Variants in PARD3B observed in about 807,000 individuals in gnomAD.
The protein encoded by PARD3B is par-3 family cell polarity regulator beta.
A neutral mutation model predicts 130.2 loss-of-function variants in PARD3B; 103 were observed. The observed-to-expected ratio is 0.79, with a 90% CI of 0.67 to 0.93. PARD3B has a LOEUF of 0.93. Ranked by LOEUF, PARD3B falls within the 40% of genes least tolerant of loss-of-function variation. The probability of loss-of-function intolerance (pLI) is 0.00; values close to 1 mark genes in which losing one functional copy is unlikely to be tolerated. For synonymous variants in PARD3B, 583 were observed against 553.2 expected (o/e 1.05, Z -0.76); for missense variants, 1,609 against 1,499.2 (o/e 1.07, Z -1.21).
chr2:204,901,950 T>A (rs567857353), intron 2 of PARD3B, among the ~76,000 whole-genome samples: 1 of 152,116 alleles, frequency 6.6e-6, no homozygotes, highest in African/African-American at 2.4e-5. Context: ...CCTATTCTAC[T>A]GTGGTTGAGC....
chr2:204,860,524 A>G (rs2045140280), intron 2 of PARD3B, among the ~76,000 whole-genome samples: 1 of 152,228 alleles, frequency 6.6e-6, no homozygotes, highest in Non-Finnish European at 1.5e-5. Flanking sequence ...GAAAGAAAGA[A>G]GACGACAACT....
intron 2 of PARD3B, among the ~76,000 whole-genome samples, chr2:204,820,851 C>T (rs1310062444): frequency 6.6e-6 from 1 of 151,090 alleles, no homozygotes; most frequent in African/African-American, 2.4e-5. Flanking sequence ...AAAGCCACTG[C>T]TCATTTACCG....
At chr2:204,961,377 G>C (rs1690730857) in intron 2 of PARD3B, among the ~76,000 whole-genome samples, 1 of 152,084 alleles carries the variant, frequency 6.6e-6, no homozygotes, top group Non-Finnish European at 1.5e-5. Flanking sequence ...AGCAAGAGGG[G>C]AGAGAAAGAG....
At chr2:205,498,198 TAAAAAA>T (rs61076057) in intron 20 of PARD3B, among the ~76,000 whole-genome samples, 1 of 124,572 alleles carries the variant, frequency 8.0e-6, no homozygotes, top group Admixed American at 8.1e-5. Flanking sequence ...AGACTCTGAC[TAAAAAA>T]AAAAAAAAAA....
At chr2:205,396,356 T>G (rs1443955393) in intron 18 of PARD3B, among the ~76,000 whole-genome samples, 1 of 152,212 alleles carries the variant, frequency 6.6e-6, no homozygotes, top group African/African-American at 2.4e-5. Flanking sequence ...AACATAATAT[T>G]AACCTATATC....
chr2:204,995,386 T>A (rs1575507835), intron 3 of PARD3B, among the ~76,000 whole-genome samples: 1 of 147,112 alleles, frequency 6.8e-6, no homozygotes, highest in African/African-American at 2.5e-5. Context: ...AATTCTTTTC[T>A]TTAAGAATGT....
chr2:205,062,831 T>G (rs1215745837), intron 4 of PARD3B, among the ~76,000 whole-genome samples: 1 of 152,152 alleles, frequency 6.6e-6, no homozygotes, highest in African/African-American at 2.4e-5. Flanking sequence ...TGAAATTTAT[T>G]TATATCTTAT....
chr2:204,614,389 C>T (rs1266889639), intron 1 of PARD3B, among the ~76,000 whole-genome samples: 1 of 152,020 alleles, frequency 6.6e-6, no homozygotes, highest in East Asian at 1.9e-4. Context: ...AATCATATTT[C>T]AAGGGTTCAG....
chr2:205,543,603 GAC>G (rs2052261026), intron 21 of PARD3B, among the ~76,000 whole-genome samples: 1 of 152,150 alleles, frequency 6.6e-6, no homozygotes, highest in African/African-American at 2.4e-5. Flanking sequence ...TTTGGGGTCA[GAC>G]ACATCTCAGT....
intron 20 of PARD3B, among the ~76,000 whole-genome samples, chr2:205,450,722 C>T (rs976030568): frequency 7.9e-5 from 12 of 151,974 alleles, no homozygotes; most frequent in Admixed American, 1.3e-4. Flanking sequence ...GTGATCCGCC[C>T]GCCTCGGCCT....
At position 204,606,814 on chromosome 2, in the gene PARD3B, G is replaced by A. The variant is rs2033740871; in HGVS notation, c.120+60695G>A. Among the ~76,000 whole-genome samples, 1 of 152,260 alleles carries A rather than the reference G, an allele frequency of 6.6e-6. No homozygotes were observed. The highest frequency in any genetic ancestry group is 6.5e-5 in the Admixed American group (1 of 15,276). The stretch of plus-strand genomic sequence containing the variant: ...ACTGAGAGTCCTTTATATCTCGTTT[G>A]GAGGCTGCTCTGTCCAGGGAGAGTA... On this transcript the variant is annotated intron_variant, in intron 1 of 22. Coordinates refer to ENST00000406610, the MANE Select transcript of PARD3B (RefSeq NM_001302769.2). The surrounding 1 kb of genome is among the most constrained non-coding windows in gnomAD (Gnocchi z 4.0).
intron 6 of PARD3B, among the ~76,000 whole-genome samples, chr2:205,115,371 A>G (rs183067718): frequency 4.1e-4 from 63 of 152,188 alleles, no homozygotes; most frequent in African/African-American, 1.4e-3. Context: ...CCTTTTGAGT[A>G]CCTACTTTAC....
intron 21 of PARD3B, among the ~76,000 whole-genome samples, chr2:205,521,327 A>G (rs762238703): frequency 6.6e-6 from 1 of 151,900 alleles, no homozygotes; most frequent in Admixed American, 6.6e-5. Context: ...TTCTATTACA[A>G]TGTTTGCCTC....
chr2:205,418,049 C>G (rs954357106), intron 19 of PARD3B, among the ~76,000 whole-genome samples: 1 of 152,092 alleles, frequency 6.6e-6, no homozygotes, highest in African/African-American at 2.4e-5. Flanking sequence ...GAAAGGTCAC[C>G]TTTACTTGGT....
intron 2 of PARD3B, among the ~76,000 whole-genome samples, chr2:204,816,112 AT>A (rs2043137418): frequency 6.6e-6 from 1 of 151,942 alleles, no homozygotes; most frequent in South Asian, 2.1e-4. Context: ...GCTTATGAAA[AT>A]CTACCTTTAA....
intron 20 of PARD3B, among the ~76,000 whole-genome samples, chr2:205,464,714 G>A: frequency 1.3e-5 from 2 of 152,234 alleles, no homozygotes; most frequent in Admixed American, 1.3e-4. Flanking sequence ...CTGCTTCTAG[G>A]CAGAAGACCC....
intron 3 of PARD3B, among the ~76,000 whole-genome samples, chr2:205,027,363 T>C (rs970414504): frequency 1.3e-5 from 2 of 152,134 alleles, no homozygotes; most frequent in African/African-American, 2.4e-5. Flanking sequence ...ATGTATTCTT[T>C]GAAAAAAATG....
chr2:204,638,652 A>C (rs2034970674), intron 1 of PARD3B, among the ~76,000 whole-genome samples: 1 of 152,102 alleles, frequency 6.6e-6, no homozygotes, highest in African/African-American at 2.4e-5. Flanking sequence ...TATTTTATAG[A>C]CTATGCCATC....
intron 20 of PARD3B, among the ~76,000 whole-genome samples, chr2:205,496,902 G>A (rs960922031): frequency 2.0e-5 from 3 of 151,390 alleles, no homozygotes; most frequent in Non-Finnish European, 2.9e-5. Context: ...TTATGTATGC[G>A]ATGTTTGCAC....
Sources: allele counts gnomAD v4.1 joint callset (sites outside exome capture counted in the v4.1 genomes callset), GRCh38; gene constraint gnomAD v4.1.1; non-coding constraint Gnocchi (gnomAD v3.1); transcripts MANE v1.5; gene names NCBI Gene and HGNC (gene_info 2026-07-23, HGNC 2026-07-21).